NLK: variants seen among roughly 807,000 people sequenced by gnomAD.
The protein encoded by NLK is serine/threonine-protein kinase NLK.
NLK carries 11 observed loss-of-function variants against 59.0 expected under a neutral mutation model. That is an observed-to-expected ratio of 0.19 (90% CI 0.12 to 0.31). The LOEUF is 0.31. Among genes scored for constraint, NLK ranks in the 10% least tolerant of loss-of-function variants. The pLI, the probability that NLK is intolerant of heterozygous loss-of-function variation, is 1.00. For missense variants in NLK, 410 were observed against 661.1 expected (o/e 0.62, Z 4.16); for synonymous variants, 235 against 235.9 (o/e 1.00, Z 0.03).
chr17:28,176,925 C>G (rs1908703618), intron 7 of NLK, among the ~76,000 whole-genome samples: 1 of 152,160 alleles, frequency 6.6e-6, no homozygotes, highest in Admixed American at 6.5e-5. Flanking sequence ...CTCCACCCCC[C>G]TAACCCCCTG....
chr17:28,059,520 C>T (rs1909557016), intron 1 of NLK, among the ~76,000 whole-genome samples: 1 of 152,092 alleles, frequency 6.6e-6, no homozygotes, highest in Admixed American at 6.5e-5. Context: ...TTAATAGAAA[C>T]TGTGTCCAAA....
chr17:28,084,045 G>T (rs1910433113), intron 1 of NLK, among the ~76,000 whole-genome samples: 1 of 152,156 alleles, frequency 6.6e-6, no homozygotes, highest in African/African-American at 2.4e-5. Flanking sequence ...AGACCCATTA[G>T]CCCAGTATTC....
chr17:28,089,277 A>G (rs1001437154), intron 1 of NLK, among the ~76,000 whole-genome samples: 2 of 152,088 alleles, frequency 1.3e-5, no homozygotes, highest in African/African-American at 4.8e-5. Flanking sequence ...TTTTGTCACT[A>G]TAGATTAGTT....
At chr17:28,101,302 C>CA (rs1904894075) in intron 1 of NLK, among the ~76,000 whole-genome samples, 1 of 152,032 alleles carries the variant, frequency 6.6e-6, no homozygotes, top group Admixed American at 6.6e-5. Context: ...TTGCTTTCTT[C>CA]AAAAAAGCCT....
At chr17:28,170,183 C>T (rs549882613) in intron 6 of NLK, among the ~76,000 whole-genome samples, 2 of 152,194 alleles carry the variant, frequency 1.3e-5, no homozygotes, top group South Asian at 4.1e-4. Context: ...TGATGGAAGA[C>T]GCTGTAGGAA....
chr17:28,099,874 G>A (rs966899247), intron 1 of NLK, among the ~76,000 whole-genome samples: 4 of 152,254 alleles, frequency 2.6e-5, no homozygotes, highest in African/African-American at 7.2e-5. Context: ...CACCGCGCCC[G>A]GCCTTGACTT....
At chr17:28,161,016 T>G (rs1197632499) in intron 3 of NLK, 144 bp from the exon 4 acceptor site, 1 of 516,026 alleles carries the variant, frequency 1.9e-6, no homozygotes, top group Non-Finnish European at 3.5e-6. Flanking sequence ...AGGGCTGGAA[T>G]TCTCACCTCT....
chr17:28,155,364 CAG>C (rs1388401129), intron 3 of NLK, among the ~76,000 whole-genome samples: 1 of 152,158 alleles, frequency 6.6e-6, no homozygotes, highest in Non-Finnish European at 1.5e-5. Flanking sequence ...TTGTGGAAGA[CAG>C]TGTGGCGATT....
chr17:28,194,362 T>G (rs1909412138), intron 10 of NLK, among the ~76,000 whole-genome samples: 1 of 152,112 alleles, frequency 6.6e-6, no homozygotes, highest in African/African-American at 2.4e-5. Context: ...TGACATGTGG[T>G]TTTCAAGCCT....
At chr17:28,155,339 AAATT>A (rs1375028271) in intron 3 of NLK, among the ~76,000 whole-genome samples, 1 of 152,130 alleles carries the variant, frequency 6.6e-6, no homozygotes, top group African/African-American at 2.4e-5. Flanking sequence ...GTGGGAGTAT[AAATT>A]AGTTCAACCA....
intron 1 of NLK, among the ~76,000 whole-genome samples, chr17:28,087,448 A>G (rs1910552868): frequency 6.6e-6 from 1 of 152,226 alleles, no homozygotes; most frequent in Non-Finnish European, 1.5e-5. Flanking sequence ...TACTGTAGAA[A>G]TGCTAATCAT....
rs1030496376 is a variant in NLK, at chr17:28,195,464, A to G, written c.*828A>G. 6.6e-6 allele frequency: 1 copy of G among 152,546 alleles called. No individual in the cohort carries two copies. Among genetic ancestry groups the G allele is most frequent in the Non-Finnish European group, 1.5e-5 (1 of 68,028 alleles). 9.4% of individuals were successfully genotyped at this position (152,546 alleles called of 1,614,324 possible). ...AGAATCCCAATATTGCTGTATAGAAAGAGAACTAGCTTGCACATTTTAGGT... is the reference window on the plus strand; with the variant it reads ...AGAATCCCAATATTGCTGTATAGAAGGAGAACTAGCTTGCACATTTTAGGT... On this transcript the variant is annotated 3_prime_UTR_variant, in exon 11 of 11. Coordinates refer to ENST00000407008, the MANE Select transcript of NLK (RefSeq NM_016231.5).
intron 1 of NLK, among the ~76,000 whole-genome samples, chr17:28,113,458 A>G (rs1353020708): frequency 2.6e-5 from 4 of 152,236 alleles, no homozygotes; most frequent in Non-Finnish European, 4.4e-5. Context: ...TTTCTTGATT[A>G]TATGCTAAAC....
In NLK at chr17:28,046,987, C is replaced by T. The variant is rs569855340; in HGVS notation, c.458+3656C>T. Among the ~76,000 whole-genome samples the T allele has an allele frequency of 7.4e-4, 112 of 152,274 alleles. 4 individuals are homozygous for T. In the South Asian group the frequency reaches 0.021, roughly 28 times the overall value. ...TCTTTGAATTTTATTATTCTAATAA[C>T]TTCAGCAGGTTACTTTTATCTGTCT... is the stretch of plus-strand genomic sequence containing the variant. On this transcript the variant is annotated intron_variant, in intron 1 of 10. Transcript: ENST00000407008.
At chr17:28,074,552 A>G (rs1910109489) in intron 1 of NLK, among the ~76,000 whole-genome samples, 1 of 152,088 alleles carries the variant, frequency 6.6e-6, no homozygotes, top group Non-Finnish European at 1.5e-5. Context: ...CTGAATTTAA[A>G]TGTTTTTTCT....
intron 1 of NLK, among the ~76,000 whole-genome samples, chr17:28,120,099 A>G (rs990031771): frequency 2.6e-5 from 4 of 152,168 alleles, no homozygotes; most frequent in African/African-American, 9.7e-5. Flanking sequence ...CTCTTCTAGT[A>G]GCTAGATACT....
intron 1 of NLK, among the ~76,000 whole-genome samples, chr17:28,112,676 T>A (rs939591224): frequency 6.6e-6 from 1 of 152,078 alleles, no homozygotes; most frequent in Non-Finnish European, 1.5e-5. Flanking sequence ...TATTTTTGGG[T>A]TTGTTTATTT....
intron 1 of NLK, among the ~76,000 whole-genome samples, chr17:28,053,914 A>G (rs1373537184): frequency 2.0e-5 from 3 of 152,206 alleles, no homozygotes; most frequent in Non-Finnish European, 4.4e-5. Flanking sequence ...GTACAAAAGT[A>G]CCCAAAGGGT....
At chr17:28,161,411 T>G in intron 4 of NLK, 145 bp downstream of exon 4, 1 of 554,102 alleles carries the variant, frequency 1.8e-6, no homozygotes, top group East Asian at 2.9e-5. Flanking sequence ...TTATAATTTC[T>G]ATATTTAATG....
Sources: gnomAD v4.1 joint callset for allele counts (sites outside exome capture counted in the v4.1 genomes callset) on GRCh38, gnomAD v4.1.1 for gene constraint, MANE v1.5 for transcripts, NCBI Gene and HGNC (gene_info 2026-07-23, HGNC 2026-07-21) for gene names.